The following KBTBD4 variants were observed in gnomAD, a reference collection of about 807,000 sequenced individuals.
The protein encoded by KBTBD4 is kelch repeat and BTB domain containing 4.
In KBTBD4, 30 loss-of-function variants were observed where a neutral mutation model predicts 43.9. The ratio of observed to expected loss-of-function variants is 0.68; its 90% CI spans 0.51 to 0.93. The LOEUF (loss-of-function observed/expected upper bound fraction) is 0.93. Ranked by LOEUF, KBTBD4 falls within the 40% of genes least tolerant of loss-of-function variation. The probability of loss-of-function intolerance (pLI) is 0.00; values close to 1 mark genes in which losing one functional copy is unlikely to be tolerated. For missense variants in KBTBD4, 575 were observed against 668.8 expected (o/e 0.86, Z 1.55); for synonymous variants, 258 against 256.9 (o/e 1.00, Z -0.04).
At position 47,573,025 on chromosome 11, in the gene KBTBD4, C is replaced by T; in HGVS notation, c.1510G>A (p.Ala504Thr). ...VFRDRYKKGDANTYKLDPATS... is the reference protein window; with the variant it reads ...VFRDRYKKGDTNTYKLDPATS... The stretch of plus-strand genomic sequence containing the variant: ...GCAGGGTCAAGCTTGTAGGTGTTGG[C>T]ATCCCCCTTTTTATATCGGTCCCGG... Residue 504 changes from alanine (A) to threonine (T), a missense_variant, in exon 4 of 4, where the codon GCC becomes ACC. Coordinates refer to ENST00000430070, the MANE Select transcript of KBTBD4 (RefSeq NM_018095.6). This position sits in a 1 kb window ranked among gnomAD's most constrained non-coding sequence, Gnocchi z 4.1. 6.2e-7 allele frequency: 1 copy of T among 1,614,190 alleles called. No individual in the cohort carries two copies. Among genetic ancestry groups the T allele is most frequent in the South Asian group, 1.1e-5 (1 of 91,088 alleles).
Position 47,575,153 on chromosome 11 carries a change from C to T in KBTBD4, c.744+440G>A, listed in dbSNP as rs375621735. On this transcript the variant is annotated intron_variant, in intron 3 of 3. Coordinates refer to ENST00000430070, the MANE Select transcript of KBTBD4 (RefSeq NM_018095.6). ...TGAAACTGGGAAGTGGAGGTTGCAG[C>T]GAGCTGAGATTGCACCACTGCATTC... Among the ~76,000 whole-genome samples, 31 of 147,430 alleles carry T rather than the reference C, an allele frequency of 2.1e-4. 1 individual carries two copies. Among genetic ancestry groups the T allele is most frequent in the South Asian group, 4.3e-4 (2 of 4,654 alleles).
chr11:47,578,713 G>T, intron 1 of KBTBD4: 1 of 1,358,390 alleles, frequency 7.4e-7, no homozygotes, highest in Non-Finnish European at 1.0e-6. Flanking sequence ...CGGTCGCCAG[G>T]GAAACCGTTC....
intron 2 of KBTBD4, 81 bp downstream of exon 2, chr11:47,577,330 G>A (rs1309405913): frequency 1.5e-6 from 2 of 1,379,314 alleles, no homozygotes; most frequent in African/African-American, 2.9e-5. Context: ...AAGCTTGAGG[G>A]TTCTTTTCTC....
intron 2 of KBTBD4, among the ~76,000 whole-genome samples, chr11:47,576,740 GA>G (rs2097260399): frequency 6.7e-6 from 1 of 149,356 alleles, no homozygotes; most frequent in South Asian, 2.1e-4. Context: ...GCGGTGGCGT[GA>G]TCTTGGCTCA....
rs752492316 is a variant in KBTBD4, at chr11:47,573,345, T to C, written c.1190A>G (p.Tyr397Cys). 1.9e-6 allele frequency: 3 copies of C among 1,614,148 alleles called. No homozygotes were observed. Among genetic ancestry groups the C allele is most frequent in the Non-Finnish European group, 2.5e-6 (3 of 1,180,032 alleles). Residue 397 changes from tyrosine (Y) to cysteine (C), a missense_variant, in exon 4 of 4, where the codon TAC becomes TGC. By Grantham distance (194) the Tyr-to-Cys change is radical (BLOSUM62 -2). Transcript: ENST00000430070. The surrounding 1 kb of genome is among the most constrained non-coding windows in gnomAD (Gnocchi z 4.1). The part of the protein sequence containing the change: ...AAGANLNGII[Y>C]LLGGEENDLD... The stretch of plus-strand genomic sequence containing the variant: ...ATCATTCTCCTCCCCCCCTAGTAAG[T>C]AGATGATCCCGTTGAGGTTGGCACC...
chr11:47,577,446 T>G lies in KBTBD4; in HGVS notation c.602A>C (p.His201Pro), dbSNP rs1273417052. Reference sequence around the variant, plus strand: ...ATCTGTGAGTAAGCGGTGGGGCAAGTGGAGAAATTCCTCTGTATTCTGCAG... The same window carrying G: ...ATCTGTGAGTAAGCGGTGGGGCAAGGGGAGAAATTCCTCTGTATTCTGCAG... ...AQLQNTEEFL[H>P]LPHRLLTDII... The change falls in exon 2 of 4, where the codon CAC becomes CCC. Residue 201 changes from histidine to proline, a missense_variant. Transcript: ENST00000430070. 6.2e-7 allele frequency: 1 copy of G among 1,609,310 alleles called. No homozygotes were observed. Among genetic ancestry groups the G allele is most frequent in the South Asian group, 1.1e-5 (1 of 90,986 alleles).
intron 2 of KBTBD4, among the ~76,000 whole-genome samples, chr11:47,577,041 C>T (rs1315421987): frequency 6.6e-6 from 1 of 152,084 alleles, no homozygotes; most frequent in Non-Finnish European, 1.5e-5. Context: ...TAACGTTGGC[C>T]CATCACTAAA....
chr11:47,574,891 A>ATC (rs1289493940), intron 3 of KBTBD4, among the ~76,000 whole-genome samples: 2 of 127,864 alleles, frequency 1.6e-5, no homozygotes, highest in Non-Finnish European at 1.7e-5. Context: ...CGAAACTCCC[A>ATC]TCTCTCTCTC....
Position 47,573,117 on chromosome 11 carries a change from G to A in KBTBD4, c.1418C>T (p.Pro473Leu), listed in dbSNP as rs1242201206. 7 of 1,614,234 alleles carry A rather than the reference G, an allele frequency of 4.3e-6. No homozygotes were observed. The highest frequency in any genetic ancestry group is 1.1e-5 in the South Asian group (1 of 91,086). The change falls in exon 4 of 4, where the codon CCT becomes CTT. Residue 473 changes from proline to leucine, a missense_variant. By Grantham distance (98) the Pro-to-Leu change is moderately conservative. Transcript: ENST00000430070. This position sits in a 1 kb window ranked among gnomAD's most constrained non-coding sequence, Gnocchi z 4.1. ...LLDSFTRLCL[P>L]EAWSSAPSLW... ...GGATGGGGCAGAGCTCCAGGCCTCA[G>A]GAAGGCAAAGCCGGGTGAAGCTGTC...
chr11:47,574,214 T>C (rs965545317), intron 3 of KBTBD4, among the ~76,000 whole-genome samples: 12 of 151,974 alleles, frequency 7.9e-5, no homozygotes, highest in Non-Finnish European at 1.8e-4. Flanking sequence ...AAACAAGAGA[T>C]GGCCGGGCAC....
chr11:47,577,973 T>C lies in KBTBD4; in HGVS notation c.75A>G (p.Ala25=). ...TCACAAAGTAGTTCTCATCCATGGA[T>C]GCTCCAGGCTCCTCTGGTGATTCCA... ...ASMESPEEPG[A]SMDENYFVNY... Residue 25 remains alanine, a synonymous_variant, in exon 2 of 4, where the codon GCA becomes GCG. Transcript: ENST00000430070. 6.2e-7 allele frequency: 1 copy of C among 1,614,236 alleles called. No individual in the cohort carries two copies. The highest frequency in any genetic ancestry group is 8.5e-7 in the Non-Finnish European group (1 of 1,180,026).
intron 2 of KBTBD4, among the ~76,000 whole-genome samples, 157 bp from the exon 3 acceptor site, chr11:47,575,856 T>C (rs1280021643): frequency 2.5e-5 from 2 of 79,384 alleles, no homozygotes; most frequent in East Asian, 3.9e-4. Flanking sequence ...TAACCTAAAA[T>C]TGCTTTTTTT....
chr11:47,576,001 C>T (rs2097258660), intron 2 of KBTBD4, among the ~76,000 whole-genome samples: 1 of 151,478 alleles, frequency 6.6e-6, no homozygotes, highest in Admixed American at 6.6e-5. Flanking sequence ...TACAGGTGTG[C>T]ACCACCACGC....
chr11:47,575,280 G>A (rs1465426498), intron 3 of KBTBD4, among the ~76,000 whole-genome samples: 12 of 151,436 alleles, frequency 7.9e-5, no homozygotes, highest in Admixed American at 2.0e-4. Flanking sequence ...AGGCGGAGGC[G>A]GGCGGATCAC....
rs2153794683 is a variant in KBTBD4, at chr11:47,577,909, C to T, written c.139G>A (p.Ala47Thr). ...AGACACAGTTTCATGATGCCTTGAG[C>T]CACACGGCCTGAATGTGACCGATCT... ...FKDRSHSGRV[A>T]QGIMKLCLEE... Residue 47 changes from alanine (A) to threonine (T), a missense_variant, in exon 2 of 4, where the codon GCT becomes ACT. Ala to Thr is a moderately conservative substitution (Grantham distance 58). Coordinates refer to ENST00000430070, the MANE Select transcript of KBTBD4 (RefSeq NM_018095.6). The T allele has an allele frequency of 6.2e-7, 1 of 1,614,202 alleles. No individual in the cohort carries two copies. Among genetic ancestry groups the T allele is most frequent in the East Asian group, 2.2e-5 (1 of 44,888 alleles).
chr11:47,577,130 G>A (rs1271678105), intron 2 of KBTBD4, among the ~76,000 whole-genome samples: 1 of 152,096 alleles, frequency 6.6e-6, no homozygotes, highest in Non-Finnish European at 1.5e-5. Context: ...ACGAAGTACA[G>A]GATAAATTAG....
chr11:47,573,816 A>G lies in KBTBD4; in HGVS notation c.745-26T>C. 1 of 1,549,546 alleles carries G rather than the reference A, an allele frequency of 6.5e-7. No individual in the cohort carries two copies. Among genetic ancestry groups the G allele is most frequent in the Non-Finnish European group, 8.7e-7 (1 of 1,149,238 alleles). On this transcript the variant is annotated intron_variant, in intron 3 of 3. Coordinates refer to ENST00000430070, the MANE Select transcript of KBTBD4 (RefSeq NM_018095.6). This position sits in a 1 kb window ranked among gnomAD's most constrained non-coding sequence, Gnocchi z 4.1. ...CTATTGGCAAAATTAAAATTATATG[A>G]CAGCTGTTAAATTCTAGGCTAAGGC...
intron 2 of KBTBD4, among the ~76,000 whole-genome samples, 184 bp downstream of exon 2, chr11:47,577,227 C>T (rs2097261375): frequency 6.6e-6 from 1 of 152,170 alleles, no homozygotes; most frequent in Admixed American, 6.5e-5. Context: ...CGCACTGTGT[C>T]TCTGACAGCA....
In KBTBD4 at chr11:47,573,786, A is replaced by G. The variant is rs760765614; in HGVS notation, c.749T>C (p.Ile250Thr). The change falls in exon 4 of 4, where the codon ATT (isoleucine) becomes ACT (threonine). Residue 250 changes from isoleucine (I) to threonine (T), a missense_variant. By Grantham distance (89) the Ile-to-Thr change is moderately conservative. Transcript: ENST00000430070. The surrounding 1 kb of genome is among the most constrained non-coding windows in gnomAD (Gnocchi z 4.1). Reference sequence around the variant, plus strand: ...CAGGTAAATGTGCACATTCTCCCCAATTTCCTATTGGCAAAATTAAAATTA... The same window carrying G: ...CAGGTAAATGTGCACATTCTCCCCAGTTTCCTATTGGCAAAATTAAAATTA... Reference protein sequence around the residue: ...AESLRTSLKEIGENVHIYLIG... With the variant: ...AESLRTSLKETGENVHIYLIG... 11 of 1,568,594 alleles carry G rather than the reference A, an allele frequency of 7.0e-6. No individual in the cohort carries two copies. Among genetic ancestry groups the G allele is most frequent in the Admixed American group, 1.7e-5 (1 of 57,516 alleles).
Sources: allele counts gnomAD v4.1 joint callset (sites outside exome capture counted in the v4.1 genomes callset), GRCh38; gene constraint gnomAD v4.1.1; non-coding constraint Gnocchi (gnomAD v3.1); transcripts MANE v1.5; gene names NCBI Gene and HGNC (gene_info 2026-07-23, HGNC 2026-07-21).